The following CRIM1 variants were observed in gnomAD, a reference collection of about 807,000 sequenced individuals.
CRIM1 encodes the protein cysteine rich transmembrane BMP regulator 1.
CRIM1 carries 32 observed loss-of-function variants against 116.4 expected under a neutral mutation model. The observed-to-expected ratio is 0.27, with a 90% CI of 0.21 to 0.37. The LOEUF (loss-of-function observed/expected upper bound fraction) is 0.37, where lower values mean the gene tolerates loss of function less well. Among genes scored for constraint, CRIM1 ranks in the 10% least tolerant of loss-of-function variants. The pLI is 1.00. For missense variants in CRIM1, 1,331 were observed against 1,354.8 expected (o/e 0.98, Z 0.28); for synonymous variants, 590 against 509.2 (o/e 1.16, Z -2.13).
chr2:36,493,163 C>G (rs1396145127), intron 7 of CRIM1, among the ~76,000 whole-genome samples: 2 of 152,086 alleles, frequency 1.3e-5, no homozygotes, highest in East Asian at 3.9e-4. Context: ...AATCCCAGCA[C>G]TTTAGGAGGC....
At chr2:36,384,209 T>C (rs769224108) in intron 1 of CRIM1, among the ~76,000 whole-genome samples, 6 of 152,216 alleles carry the variant, frequency 3.9e-5, no homozygotes, top group Admixed American at 6.5e-5. Context: ...TGGAGTAGGA[T>C]GTTCCAGACA....
At chr2:36,425,686 A>T (rs1674394208) in intron 2 of CRIM1, among the ~76,000 whole-genome samples, 1 of 152,226 alleles carries the variant, frequency 6.6e-6, no homozygotes, top group African/African-American at 2.4e-5. Flanking sequence ...ATTATCAGCA[A>T]CATTCTCATC....
At chr2:36,506,133 G>GCACACA (rs142839402) in intron 8 of CRIM1, among the ~76,000 whole-genome samples, 1,369 of 136,462 alleles carry the variant, frequency 0.01, 22 homozygotes, top group Admixed American at 0.044. Flanking sequence ...ATTGCAGGGT[G>GCACACA]CACACACACA....
At chr2:36,435,037 A>G (rs189119034) in intron 2 of CRIM1, among the ~76,000 whole-genome samples, 2 of 152,104 alleles carry the variant, frequency 1.3e-5, no homozygotes, top group East Asian at 3.9e-4. Flanking sequence ...GTAGCTTTTT[A>G]TTGTCTGTCT....
At chr2:36,389,799 C>A (rs571584030) in intron 1 of CRIM1, among the ~76,000 whole-genome samples, 5 of 152,116 alleles carry the variant, frequency 3.3e-5, no homozygotes, top group African/African-American at 1.2e-4. Context: ...ATTTCACACA[C>A]CAGCAAGCAG....
At chr2:36,427,805 T>C (rs1198639624) in intron 2 of CRIM1, among the ~76,000 whole-genome samples, 1 of 152,218 alleles carries the variant, frequency 6.6e-6, no homozygotes, top group African/African-American at 2.4e-5. Flanking sequence ...CAGATTGCCC[T>C]TGTATTCCAT....
intron 1 of CRIM1, among the ~76,000 whole-genome samples, chr2:36,380,383 G>C (rs1237297581): frequency 6.6e-6 from 1 of 152,140 alleles, no homozygotes; most frequent in African/African-American, 2.4e-5. Context: ...TCTTGGGTCT[G>C]GATGGGGCCA....
Position 36,550,193 on chromosome 2 carries a change from A to G in CRIM1, c.*1492A>G, listed in dbSNP as rs1034066565. ...TTCAATTTGCTCACTGGCCAGAGAC[A>G]TTGATGGCAGTTCTTATCTGCATCA... On this transcript the variant is annotated 3_prime_UTR_variant, in exon 17 of 17. Coordinates refer to ENST00000280527, the MANE Select transcript of CRIM1 (RefSeq NM_016441.3). The G allele has an allele frequency of 6.7e-6, 1 of 149,312 alleles. No homozygotes were observed. The highest frequency in any genetic ancestry group is 1.5e-5 in the Non-Finnish European group (1 of 67,626). 9.2% of individuals were successfully genotyped at this position (149,312 alleles called of 1,614,324 possible).
chr2:36,522,349 C>T (rs763039653), intron 13 of CRIM1, 36 bp downstream of exon 13: 2 of 1,477,074 alleles, frequency 1.4e-6, no homozygotes, highest in East Asian at 2.3e-5. Flanking sequence ...TCATCTCTAC[C>T]AGTTGTCACT....
At chr2:36,384,003 A>G (rs1010486393) in intron 1 of CRIM1, among the ~76,000 whole-genome samples, 4 of 152,256 alleles carry the variant, frequency 2.6e-5, no homozygotes, top group Admixed American at 2.0e-4. Flanking sequence ...GATAGACAGA[A>G]TCAGCCAAAT....
At chr2:36,507,849 T>C (rs1414070049) in intron 8 of CRIM1, among the ~76,000 whole-genome samples, 2 of 152,166 alleles carry the variant, frequency 1.3e-5, no homozygotes, top group African/African-American at 4.8e-5. Context: ...ACCAGAAAAA[T>C]AAAGGCACCA....
chr2:36,527,148 A>C (rs551793455), intron 13 of CRIM1, among the ~76,000 whole-genome samples: 2 of 151,088 alleles, frequency 1.3e-5, no homozygotes, highest in South Asian at 4.2e-4. Context: ...TGTTTATTAT[A>C]TATAATATAA....
chr2:36,391,369 C>G (rs1375972924), intron 1 of CRIM1, among the ~76,000 whole-genome samples: 5 of 151,800 alleles, frequency 3.3e-5, no homozygotes, highest in Admixed American at 2.6e-4. Context: ...ACCTCGTGAT[C>G]CGCCCATCTC....
chr2:36,486,615 G>A (rs370914655), intron 7 of CRIM1, among the ~76,000 whole-genome samples: 405 of 152,178 alleles, frequency 2.7e-3, no homozygotes, highest in African/African-American at 8.8e-3. Flanking sequence ...TTGAAGTGGC[G>A]TGCAAGGGGG....
At chr2:36,512,493 T>C in intron 10 of CRIM1, 99 bp downstream of exon 10, 7 of 1,322,634 alleles carry the variant, frequency 5.3e-6, no homozygotes, top group Non-Finnish European at 7.3e-6. Flanking sequence ...CGGTGGTTGC[T>C]GCCTATTCTA....
At chr2:36,541,504 C>A (rs1278634775) in intron 14 of CRIM1, among the ~76,000 whole-genome samples, 1 of 152,000 alleles carries the variant, frequency 6.6e-6, no homozygotes, top group Non-Finnish European at 1.5e-5. Flanking sequence ...AGGATGAGAC[C>A]CCTGCTCCTA....
chr2:36,502,818 C>T (rs945375697), intron 8 of CRIM1, among the ~76,000 whole-genome samples: 1 of 152,196 alleles, frequency 6.6e-6, no homozygotes, highest in Non-Finnish European at 1.5e-5. Flanking sequence ...CAGATACTGG[C>T]TGAGTGAATA....
chr2:36,467,110 AGGATTTGCCATCT>A (rs1270187618), intron 5 of CRIM1, among the ~76,000 whole-genome samples: 2 of 152,134 alleles, frequency 1.3e-5, no homozygotes, highest in Non-Finnish European at 2.9e-5. Flanking sequence ...CTTCTGGAAT[AGGATTTGCCATCT>A]GTCCTGAGAA....
Position 36,547,001 on chromosome 2 carries a change from GTAGA to G in CRIM1, c.2766_2769del (p.Asp923ThrfsTer24), listed in dbSNP as rs1231657710. 1 of 1,607,226 alleles carries G rather than the reference GTAGA, an allele frequency of 6.2e-7. No homozygotes were observed. Among genetic ancestry groups the G allele is most frequent in the Non-Finnish European group, 8.5e-7 (1 of 1,175,850 alleles). On this transcript the variant is annotated frameshift_variant, in exon 16 of 17. Transcript: ENST00000280527. LOFTEE classifies it high-confidence loss of function. ...TCTCCTAGATATGGGTCACCTCCAGGTAGATTACAGAGATAACAGGCTGCACCCA... is the reference window on the plus strand; with the variant it reads ...TCTCCTAGATATGGGTCACCTCCAGGTTACAGAGATAACAGGCTGCACCCA...
Sources: allele counts gnomAD v4.1 joint callset (sites outside exome capture counted in the v4.1 genomes callset), GRCh38; gene constraint gnomAD v4.1.1; transcripts MANE v1.5; gene names NCBI Gene and HGNC (gene_info 2026-07-23, HGNC 2026-07-21).